The following AGMO variants were observed in gnomAD, a reference collection of about 807,000 sequenced individuals.
The protein encoded by AGMO is alkylglycerol monooxygenase, also known as glyceryl-ether monooxygenase.
A neutral mutation model predicts 60.2 loss-of-function variants in AGMO; 75 were observed. The ratio of observed to expected loss-of-function variants is 1.25; its 90% confidence interval spans 1.03 to 1.51. The LOEUF is 1.51. Among genes scored for constraint, AGMO ranks in the 40% most tolerant of loss-of-function variants. AGMO has a pLI of 0.00. For missense variants in AGMO, 763 were observed against 525.5 expected (o/e 1.45, Z -4.42); for synonymous variants, 261 against 177.1 (o/e 1.47, Z -3.76).
chr7:15,211,474 T>C (rs1421311167), intron 12 of AGMO, among the ~76,000 whole-genome samples: 1 of 151,982 alleles, frequency 6.6e-6, no homozygotes, highest in Non-Finnish European at 1.5e-5. Flanking sequence ...AAAACTTTAG[T>C]GGGTAACTAT....
rs1320082610 is a variant in AGMO, at chr7:15,530,283, TATATATTCTATATACGTATTTCC to T, written c.409+14466_409+14488del. Among the ~76,000 whole-genome samples, 15 of 32,314 alleles carry T rather than the reference TATATATTCTATATACGTATTTCC, an allele frequency of 4.6e-4. 3 individuals carry two copies. Among genetic ancestry groups the T allele is most frequent in the African/African-American group, 2.0e-3 (15 of 7,328 alleles). The allele number at this position is 32,314 out of a possible 152,430, so 21.2% of individuals were successfully genotyped here. A position where few individuals can be genotyped will look rare whatever the true frequency, so the allele number is the denominator to read the frequency against. On this transcript the variant is annotated intron_variant, in intron 3 of 12. Coordinates refer to ENST00000342526, the MANE Select transcript of AGMO (RefSeq NM_001004320.2). ...TAGATATTCTATATACGTATTTCCA[TATATATTCTATATACGTATTTCC>T]ATATATATTCTATATACGTATTTCC...
intron 12 of AGMO, among the ~76,000 whole-genome samples, chr7:15,241,221 G>T (rs957341630): frequency 6.6e-5 from 10 of 151,932 alleles, no homozygotes; most frequent in Non-Finnish European, 1.2e-4. Flanking sequence ...AGCACTTTGG[G>T]AGGCCGAGGC....
intron 12 of AGMO, among the ~76,000 whole-genome samples, chr7:15,215,629 T>A (rs763046781): frequency 1.1e-4 from 16 of 152,122 alleles, no homozygotes; most frequent in Non-Finnish European, 2.1e-4. Flanking sequence ...CTGCTGATAA[T>A]CATAACTTGT....
At chr7:15,322,205 T>C (rs933021388) in intron 12 of AGMO, among the ~76,000 whole-genome samples, 1 of 150,142 alleles carries the variant, frequency 6.7e-6, no homozygotes, top group African/African-American at 2.4e-5. Context: ...ATAATTTACA[T>C]CCTTGTTAAA....
intron 3 of AGMO, among the ~76,000 whole-genome samples, chr7:15,452,051 C>A (rs1436168865): frequency 1.3e-5 from 2 of 152,120 alleles, no homozygotes; most frequent in Non-Finnish European, 2.9e-5. Context: ...TGAAGTTCAT[C>A]TACAAGGATT....
intron 12 of AGMO, among the ~76,000 whole-genome samples, chr7:15,336,413 T>C (rs572784110): frequency 1.3e-5 from 2 of 148,876 alleles, no homozygotes; most frequent in South Asian, 4.2e-4. Context: ...GTTGACTCAA[T>C]ATGGCAAAAA....
At chr7:15,303,585 T>C (rs1780519257) in intron 12 of AGMO, among the ~76,000 whole-genome samples, 2 of 152,096 alleles carry the variant, frequency 1.3e-5, no homozygotes, top group Admixed American at 1.3e-4. Context: ...AGCATGGGGA[T>C]GACCTCGGCT....
At chr7:15,389,462 C>G (rs770547948) in intron 8 of AGMO, among the ~76,000 whole-genome samples, 12 of 152,060 alleles carry the variant, frequency 7.9e-5, no homozygotes, top group African/African-American at 2.9e-4. Context: ...GTATCATATT[C>G]TTAGTAAGTT....
chr7:15,345,673 A>G (rs527310725), intron 12 of AGMO, among the ~76,000 whole-genome samples: 1 of 152,294 alleles, frequency 6.6e-6, no homozygotes, highest in South Asian at 2.1e-4. Flanking sequence ...AATATTTACC[A>G]TGTACCCTAA....
chr7:15,474,992 A>C (rs1782554927), intron 3 of AGMO, among the ~76,000 whole-genome samples: 1 of 152,294 alleles, frequency 6.6e-6, no homozygotes, highest in South Asian at 2.1e-4. Context: ...CCACAATGAG[A>C]TACCATCTCA....
At chr7:15,371,101 T>C (rs1170395101) in intron 10 of AGMO, among the ~76,000 whole-genome samples, 1 of 152,176 alleles carries the variant, frequency 6.6e-6, no homozygotes, top group East Asian at 1.9e-4. Context: ...TTTCACCATA[T>C]ATAAAAATTA....
chr7:15,277,536 T>A, intron 12 of AGMO, among the ~76,000 whole-genome samples: 1 of 151,920 alleles, frequency 6.6e-6, no homozygotes, highest in East Asian at 1.9e-4. Context: ...GATTGGATTT[T>A]TTTTTTCTAT....
intron 5 of AGMO, among the ~76,000 whole-genome samples, chr7:15,395,813 A>G (rs1194607129): frequency 6.6e-6 from 1 of 152,178 alleles, no homozygotes; most frequent in Non-Finnish European, 1.5e-5. Context: ...CTCTAATACA[A>G]AACTCTTTAT....
At chr7:15,357,293 G>T (rs555877388) in intron 12 of AGMO, among the ~76,000 whole-genome samples, 6 of 151,248 alleles carry the variant, frequency 4.0e-5, no homozygotes, top group African/African-American at 1.5e-4. Flanking sequence ...CATTGTTGAG[G>T]ACAGTCTATT....
intron 12 of AGMO, among the ~76,000 whole-genome samples, chr7:15,209,428 A>T (rs1246682009): frequency 6.6e-6 from 1 of 152,222 alleles, no homozygotes; most frequent in African/African-American, 2.4e-5. Flanking sequence ...TGTTTACAGA[A>T]ATCACAGAGA....
At chr7:15,260,653 C>A (rs1783240865) in intron 12 of AGMO, among the ~76,000 whole-genome samples, 1 of 151,968 alleles carries the variant, frequency 6.6e-6, no homozygotes, top group Non-Finnish European at 1.5e-5. Context: ...AAACTATACC[C>A]TACAACAAAT....
the AGMO span, among the ~76,000 whole-genome samples, chr7:15,138,986 T>C: frequency 3.3e-5 from 5 of 152,200 alleles, no homozygotes; most frequent in African/African-American, 1.2e-4. Flanking sequence ...ATATCCTCCC[T>C]GAACTAACCA....
intron 5 of AGMO, among the ~76,000 whole-genome samples, chr7:15,416,037 T>C (rs1243788348): frequency 6.7e-6 from 1 of 149,116 alleles, no homozygotes; most frequent in Non-Finnish European, 1.5e-5. Flanking sequence ...CTTTTTTTTT[T>C]TTTTTTTGGA....
At chr7:15,321,088 A>T (rs576560918) in intron 12 of AGMO, among the ~76,000 whole-genome samples, 21 of 152,272 alleles carry the variant, frequency 1.4e-4, no homozygotes, top group Non-Finnish European at 2.2e-4. Context: ...GCAGTTGTGA[A>T]GTTCAAAAGC....
Sources: gnomAD v4.1 joint callset for allele counts (sites outside exome capture counted in the v4.1 genomes callset) on GRCh38, gnomAD v4.1.1 for gene constraint, MANE v1.5 for transcripts, NCBI Gene and HGNC (gene_info 2026-07-23, HGNC 2026-07-21) for gene names.